TRPM8: variants seen among roughly 807,000 people sequenced by gnomAD.
The protein encoded by TRPM8 is TRPM8 cationic channel.
Under a neutral mutation model 133.7 loss-of-function variants are expected in TRPM8, and 110 were observed. The observed-to-expected ratio is 0.82, with a 90% confidence interval of 0.70 to 0.96. TRPM8 has a LOEUF of 0.96. Among genes scored for constraint, TRPM8 ranks in the 40% least tolerant of loss-of-function variants. TRPM8 has a pLI of 0.00. For missense variants in TRPM8, 1,291 were observed against 1,379.5 expected (o/e 0.94, Z 1.02); for synonymous variants, 535 against 532.3 (o/e 1.01, Z -0.07).
chr2:233,927,864 T>TCTC, intron 2 of TRPM8, among the ~76,000 whole-genome samples: 1 of 38,860 alleles, frequency 2.6e-5, no homozygotes, highest in East Asian at 1.8e-3. Flanking sequence ...TTCTTTCTCT[T>TCTC]TCTTTCTTTC....
At chr2:233,998,478 G>T (rs757450335) in intron 22 of TRPM8, among the ~76,000 whole-genome samples, 2 of 152,088 alleles carry the variant, frequency 1.3e-5, no homozygotes, top group Non-Finnish European at 2.9e-5. Context: ...CAGTTAGGGT[G>T]AGCAGCCTGC....
At chr2:233,919,240 G>A (rs1247031991) in intron 1 of TRPM8, among the ~76,000 whole-genome samples, 1 of 152,042 alleles carries the variant, frequency 6.6e-6, no homozygotes, top group Admixed American at 6.6e-5. Context: ...TGAATATTCT[G>A]TTGTTCATGA....
chr2:233,946,124 G>A, intron 7 of TRPM8, 94 bp downstream of exon 7: 15 of 1,215,992 alleles, frequency 1.2e-5, no homozygotes, highest in East Asian at 2.4e-5. Flanking sequence ...AGTGATGCGT[G>A]AGAAACACAC....
chr2:233,924,750 C>T (rs1418092703), intron 1 of TRPM8, among the ~76,000 whole-genome samples: 1 of 152,196 alleles, frequency 6.6e-6, no homozygotes, highest in Non-Finnish European at 1.5e-5. Flanking sequence ...GCGAAATAAA[C>T]AGTTTTTCAT....
intron 9 of TRPM8, among the ~76,000 whole-genome samples, chr2:233,953,232 C>T (rs1156505785): frequency 6.6e-6 from 1 of 152,174 alleles, no homozygotes; most frequent in Non-Finnish European, 1.5e-5. Flanking sequence ...TCCCACCCAG[C>T]GGAGCCTCTG....
At chr2:233,974,785 A>T (rs1428476720) in intron 17 of TRPM8, among the ~76,000 whole-genome samples, 3 of 152,178 alleles carry the variant, frequency 2.0e-5, no homozygotes, top group Non-Finnish European at 4.4e-5. Flanking sequence ...GACCAGCCTG[A>T]CATCTCAAAG....
rs1258782396 is a variant in TRPM8 at position 234,000,960 on chromosome 2, T to G, written c.3130+4444T>G. On this transcript the variant is annotated intron_variant, in intron 22 of 25. Coordinates refer to ENST00000324695, the MANE Select transcript of TRPM8 (RefSeq NM_024080.5). ...CCTAAAGTTCCCGGATTATAGGCGTTAGCTACTGTTCTCAGCCAAACTTGA... is the reference window on the plus strand; with the variant it reads ...CCTAAAGTTCCCGGATTATAGGCGTGAGCTACTGTTCTCAGCCAAACTTGA... Among the ~76,000 whole-genome samples, 4 of 152,198 alleles carry G rather than the reference T, an allele frequency of 2.6e-5. No homozygotes were observed. In the South Asian group the frequency reaches 8.3e-4, roughly 32 times the overall value.
At chr2:233,938,900 A>G in intron 4 of TRPM8, 98 bp from the exon 5 acceptor site, 1 of 1,392,374 alleles carries the variant, frequency 7.2e-7, no homozygotes, top group East Asian at 2.3e-5. Context: ...CTCTTCTAGA[A>G]GCAGGCAAGC....
intron 14 of TRPM8, 76 bp from the exon 15 acceptor site, chr2:233,966,534 C>T: frequency 1.3e-6 from 2 of 1,583,910 alleles, no homozygotes; most frequent in Non-Finnish European, 1.7e-6. Context: ...CAGGGGTTGG[C>T]TGGGGGTGGA....
intron 21 of TRPM8, among the ~76,000 whole-genome samples, chr2:233,986,748 A>G (rs1261760719): frequency 6.6e-6 from 1 of 152,226 alleles, no homozygotes; most frequent in African/African-American, 2.4e-5. Context: ...AAAGGCTTTT[A>G]TCTCCTAATA....
chr2:233,924,017 TA>T (rs2125031189), intron 1 of TRPM8, among the ~76,000 whole-genome samples: 1 of 149,772 alleles, frequency 6.7e-6, no homozygotes, highest in African/African-American at 2.4e-5. Context: ...AAAACTCTAA[TA>T]AAAACAACTA....
At chr2:233,991,023 GC>G (rs2125325343) in intron 21 of TRPM8, among the ~76,000 whole-genome samples, 1 of 152,244 alleles carries the variant, frequency 6.6e-6, no homozygotes, top group African/African-American at 2.4e-5. Flanking sequence ...ATCTGCAGCA[GC>G]AGCTAGGTGG....
intron 24 of TRPM8, among the ~76,000 whole-genome samples, chr2:234,009,770 G>A (rs936506651): frequency 1.3e-5 from 2 of 151,882 alleles, no homozygotes; most frequent in Admixed American, 1.3e-4. Flanking sequence ...ATAATCTTTT[G>A]TTTCTCAAGA....
rs200774365 is a variant in TRPM8 at position 233,926,626 on chromosome 2, G to A, written c.89G>A (p.Arg30Gln). Residue 30 changes from arginine (R) to glutamine (Q), a missense_variant, in exon 2 of 26, where the codon CGG becomes CAG. Coordinates refer to ENST00000324695, the MANE Select transcript of TRPM8 (RefSeq NM_024080.5). ...CGGACCCTGTACTCCAGCGCGTCTC[G>A]GAGCACAGACTTGTCTTACAGTGAA... Reference protein sequence around the residue: ...STRTLYSSASRSTDLSYSESD... With the variant: ...STRTLYSSASQSTDLSYSESD... 26 of 1,613,968 alleles carry A rather than the reference G, an allele frequency of 1.6e-5. No individual in the cohort carries two copies. Among genetic ancestry groups the A allele is most frequent in the East Asian group, 4.5e-5 (2 of 44,894 alleles).
chr2:233,947,187 G>T, intron 8 of TRPM8, 32 bp downstream of exon 8: 3 of 1,611,818 alleles, frequency 1.9e-6, no homozygotes, highest in Non-Finnish European at 2.5e-6. Flanking sequence ...TAGAAGGTTG[G>T]CTAATAAGCC....
chr2:233,969,925 T>C (rs755393040), intron 16 of TRPM8, 118 bp downstream of exon 16: 2 of 789,788 alleles, frequency 2.5e-6, no homozygotes, highest in Non-Finnish European at 4.3e-6. Flanking sequence ...ATGTTTACAT[T>C]GTTGCCTATG....
At chr2:233,988,203 T>C (rs1692194556) in intron 21 of TRPM8, among the ~76,000 whole-genome samples, 1 of 152,158 alleles carries the variant, frequency 6.6e-6, no homozygotes, top group Non-Finnish European at 1.5e-5. Flanking sequence ...GGTGAACTGC[T>C]ATGCCTGATG....
At chr2:233,931,151 C>T (rs1355133100) in intron 3 of TRPM8, among the ~76,000 whole-genome samples, 1 of 152,186 alleles carries the variant, frequency 6.6e-6, no homozygotes, top group South Asian at 2.1e-4. Flanking sequence ...GTCTTTCCTT[C>T]TAATTGAGTG....
intron 6 of TRPM8, among the ~76,000 whole-genome samples, chr2:233,943,847 C>A (rs571140995): frequency 6.6e-6 from 1 of 152,340 alleles, no homozygotes; most frequent in South Asian, 2.1e-4. Flanking sequence ...CCCATCTGGG[C>A]TCCTTAGAAG....
Sources: allele counts gnomAD v4.1 joint callset (sites outside exome capture counted in the v4.1 genomes callset), GRCh38; gene constraint gnomAD v4.1.1; transcripts MANE v1.5; gene names NCBI Gene and HGNC (gene_info 2026-07-23, HGNC 2026-07-21).